The following CHD9 variants were observed in gnomAD, a reference collection of about 807,000 sequenced individuals.
The protein encoded by CHD9 is ATP-dependent chromatin remodeler CHD9.
Under a neutral mutation model 316.1 loss-of-function variants are expected in CHD9, and 77 were observed. The observed-to-expected ratio is 0.24, with a 90% CI of 0.20 to 0.29. CHD9 has a LOEUF of 0.29. Ranked by LOEUF, CHD9 falls within the 10% of genes least tolerant of loss-of-function variation. The pLI is 1.00. For missense variants in CHD9, 2,763 were observed against 3,438.1 expected (o/e 0.80, Z 4.91); for synonymous variants, 1,129 against 1,158.3 (o/e 0.97, Z 0.51).
At chr16:53,240,909 TCA>T (rs1353428769) in intron 12 of CHD9, among the ~76,000 whole-genome samples, 1 of 152,130 alleles carries the variant, frequency 6.6e-6, no homozygotes, top group African/African-American at 2.4e-5. Context: ...TGCCCCAAAA[TCA>T]CAGTGTAAAA....
At chr16:53,288,046 A>G (rs2153046074) in intron 27 of CHD9, 32 bp downstream of exon 27, 1 of 1,484,124 alleles carries the variant, frequency 6.7e-7, no homozygotes, top group Non-Finnish European at 9.4e-7. Context: ...TAAATCCTCA[A>G]TTTTAGGTAT....
At chr16:53,309,805 T>C (rs887254342) in intron 34 of CHD9, among the ~76,000 whole-genome samples, 6 of 151,974 alleles carry the variant, frequency 3.9e-5, no homozygotes, top group African/African-American at 1.5e-4. Context: ...TTATCTGTGT[T>C]CCTCTAAAAG....
At position 53,238,639 on chromosome 16, in the gene CHD9, T is replaced by A. The variant is rs2048828171; in HGVS notation, c.2877+53T>A. The A allele has an allele frequency of 2.6e-6, 4 of 1,567,040 alleles. No individual in the cohort carries two copies. In the South Asian group the frequency reaches 4.6e-5, roughly 18 times the overall value. On this transcript the variant is annotated intron_variant, in intron 12 of 38. Coordinates refer to ENST00000447540, the MANE Select transcript of CHD9 (RefSeq NM_001308319.2). ...TTTGAAAGGTCAGGGCTGAAAAAGA[T>A]AAGCATTACCTACCAATTATTTTCA... is the stretch of plus-strand genomic sequence containing the variant.
chr16:53,136,556 T>TA (rs35318410), intron 1 of CHD9, among the ~76,000 whole-genome samples: 48,667 of 141,330 alleles, frequency 0.34, 8,226 homozygotes, highest in Non-Finnish European at 0.39. Context: ...TACCTTTTCC[T>TA]AAAAAAAAAA....
At chr16:53,198,736 C>T (rs2045174640) in intron 2 of CHD9, among the ~76,000 whole-genome samples, 1 of 152,094 alleles carries the variant, frequency 6.6e-6, no homozygotes, top group South Asian at 2.1e-4. Context: ...TGTCCTTTTT[C>T]TCTTAAGTCA....
chr16:53,116,551 G>C (rs113501341), intron 1 of CHD9, among the ~76,000 whole-genome samples: 3 of 152,170 alleles, frequency 2.0e-5, no homozygotes, highest in Non-Finnish European at 4.4e-5. Flanking sequence ...TCAAAATGGC[G>C]ATTGTTAAAA....
chr16:53,266,782 T>A (rs1017113142), intron 20 of CHD9, among the ~76,000 whole-genome samples: 1 of 152,214 alleles, frequency 6.6e-6, no homozygotes, highest in Admixed American at 6.5e-5. Flanking sequence ...CATACTGAGG[T>A]TGATGCAATT....
chr16:53,086,565 A>G (rs1017237703), intron 1 of CHD9, among the ~76,000 whole-genome samples: 1 of 152,202 alleles, frequency 6.6e-6, no homozygotes, highest in African/African-American at 2.4e-5. Context: ...CCTGGCATAA[A>G]TGACTTAGCT....
intron 3 of CHD9, among the ~76,000 whole-genome samples, chr16:53,219,240 TG>T (rs1279361349): frequency 1.3e-5 from 2 of 152,134 alleles, no homozygotes; most frequent in African/African-American, 2.4e-5. Context: ...ATATTGAGGT[TG>T]TGATACCTAT....
intron 24 of CHD9, among the ~76,000 whole-genome samples, chr16:53,282,997 TAG>T (rs1376605707): frequency 1.2e-4 from 18 of 152,180 alleles, no homozygotes. Context: ...TCCCTATCTG[TAG>T]CCCATGTCTC....
At chr16:53,143,176 G>A (rs767461743) in intron 1 of CHD9, among the ~76,000 whole-genome samples, 2 of 152,038 alleles carry the variant, frequency 1.3e-5, no homozygotes, top group East Asian at 3.9e-4. Flanking sequence ...AAACTTTGGG[G>A]GACATATTCA....
chr16:53,269,594 G>T (rs749115213), intron 22 of CHD9, among the ~76,000 whole-genome samples: 1 of 152,200 alleles, frequency 6.6e-6, no homozygotes, highest in African/African-American at 2.4e-5. Flanking sequence ...TTTAATTAAT[G>T]TGAAGACCTG....
chr16:53,243,336 G>A (rs2049267643), intron 13 of CHD9, among the ~76,000 whole-genome samples: 1 of 152,094 alleles, frequency 6.6e-6, no homozygotes, highest in South Asian at 2.1e-4. Context: ...TGTTTAAGAT[G>A]GAGTTTCTCT....
chr16:53,267,339 C>G lies in CHD9; in HGVS notation c.4366C>G (p.Pro1456Ala). 6.2e-7 allele frequency: 1 copy of G among 1,611,936 alleles called. No homozygotes were observed. The highest frequency in any genetic ancestry group is 8.5e-7 in the Non-Finnish European group (1 of 1,178,814). ...TCCAAGAATTAGGAAGCAAACAAGA[C>G]CTTTTAGTGCCACAAAAGATGAATT... is the stretch of plus-strand genomic sequence containing the variant. ...DTPRIRKQTRPFSATKDELAE... is the reference protein window; with the variant it reads ...DTPRIRKQTRAFSATKDELAE... The change falls in exon 21 of 39, where the codon CCT (proline) becomes GCT (alanine). Residue 1456 changes from proline (P) to alanine (A), a missense_variant. Around this residue, in one of 15 missense-constraint regions of CHD9, gnomAD observed 199 missense variants for 251.7 expected, o/e 0.79. Coordinates refer to ENST00000447540, the MANE Select transcript of CHD9 (RefSeq NM_001308319.2).
intron 33 of CHD9, 147 bp downstream of exon 33, chr16:53,308,100 T>A: frequency 2.8e-6 from 2 of 706,830 alleles, no homozygotes; most frequent in Non-Finnish European, 2.3e-6. Flanking sequence ...ATATCCAGGT[T>A]ATTAAACTTG....
chr16:53,324,539 G>A lies in CHD9; in HGVS notation c.8338G>A (p.Ala2780Thr). ...AAGTTCTCCTTCCACATCCTCTACT[G>A]CTGCATTAAATACAGCTGCAGCTGC... ...VSSSPSTSST[A>T]ALNTAAAANP... The change falls in exon 39 of 39, where the codon GCT becomes ACT. Residue 2780 changes from alanine (A) to threonine (T), a missense_variant. By Grantham distance (58) the Ala-to-Thr change is moderately conservative. Transcript: ENST00000447540. 1.2e-6 allele frequency: 2 copies of A among 1,613,844 alleles called. No individual in the cohort carries two copies. The highest frequency in any genetic ancestry group is 1.7e-6 in the Non-Finnish European group (2 of 1,179,820).
At chr16:53,260,428 A>G (rs1167025674) in intron 19 of CHD9, among the ~76,000 whole-genome samples, 2 of 152,136 alleles carry the variant, frequency 1.3e-5, no homozygotes, top group Admixed American at 1.3e-4. Context: ...GCAATGAGCC[A>G]TGATCATACA....
At chr16:53,125,221 T>TA (rs201598496) in intron 1 of CHD9, among the ~76,000 whole-genome samples, 70 of 140,358 alleles carry the variant, frequency 5.0e-4, no homozygotes, top group Admixed American at 1.7e-3. Flanking sequence ...AGTTAGGATT[T>TA]TTTTTTTTTT....
In CHD9 at chr16:53,308,639, GA is replaced by G. The variant is rs1300013629; in HGVS notation, c.7054-46del. 7 of 1,459,420 alleles carry G rather than the reference GA, an allele frequency of 4.8e-6. No homozygotes were observed. The African/African-American group carries it at 8.4e-5, about 17-fold the overall frequency. The allele number at this position is 1,459,420 out of a possible 1,614,324, so 90.4% of individuals were successfully genotyped here. The stretch of plus-strand genomic sequence containing the variant: ...AAATTCTCTTAATATCCTGCAATAA[GA>G]TTTTTTTTAACAGTTTCTGTCTTAA... On this transcript the variant is annotated intron_variant, in intron 33 of 38. Transcript: ENST00000447540.
Sources: gnomAD v4.1 joint callset for allele counts (sites outside exome capture counted in the v4.1 genomes callset) on GRCh38, gnomAD v4.1.1 for gene constraint, gnomAD v4.1.1 regional missense constraint, MANE v1.5 for transcripts, NCBI Gene and HGNC (gene_info 2026-07-23, HGNC 2026-07-21) for gene names.